SERINC5: variants seen among roughly 807,000 people sequenced by gnomAD.
SERINC5 encodes chromosome 5 open reading frame 12.
In SERINC5, 41 loss-of-function variants were observed where a neutral mutation model predicts 63.1. That is an observed-to-expected ratio of 0.65 (90% CI 0.51 to 0.84). The LOEUF is 0.84. Ranked by LOEUF, SERINC5 falls within the 40% of genes least tolerant of loss-of-function variation. The pLI, the probability that SERINC5 is intolerant of heterozygous loss-of-function variation, is 0.00. For synonymous variants in SERINC5, 222 were observed against 215.2 expected (o/e 1.03, Z -0.28); for missense variants, 523 against 573.0 (o/e 0.91, Z 0.89).
chr5:80,180,856 G>C (rs897755972), intron 2 of SERINC5, among the ~76,000 whole-genome samples: 1 of 152,234 alleles, frequency 6.6e-6, no homozygotes, highest in East Asian at 1.9e-4. Context: ...GGCATTGTCA[G>C]TGTGAAATGT....
chr5:80,143,720 C>T lies in SERINC5; in HGVS notation c.1329G>A (p.Leu443=), dbSNP rs1054921230. Residue 443 remains leucine (L), a synonymous_variant, in exon 12 of 12, where the codon TTG becomes TTA. Transcript: ENST00000507668. Reference sequence around the variant, plus strand: ...GGGGAGCGACCAGCGTACACAGGTACAACAGCACGCATATCCAGCAGGAGG... The same window carrying T: ...GGGGAGCGACCAGCGTACACAGGTATAACAGCACGCATATCCAGCAGGAGG... ...KMASCWICVL[L]YLCTLVAPLC... 6.5e-7 allele frequency: 1 copy of T among 1,536,132 alleles called. No homozygotes were observed. The highest frequency in any genetic ancestry group is 2.4e-5 in the East Asian group (1 of 40,920).
intron 2 of SERINC5, among the ~76,000 whole-genome samples, chr5:80,178,537 ATTTTTTT>A (rs1182662594): frequency 4.1e-4 from 32 of 77,562 alleles, no homozygotes; most frequent in African/African-American, 1.3e-3. Flanking sequence ...TAATTTTTGT[ATTTTTTT>A]TTTTTTTTTT....
At chr5:80,186,676 A>C (rs930528498) in intron 2 of SERINC5, among the ~76,000 whole-genome samples, 1 of 152,186 alleles carries the variant, frequency 6.6e-6, no homozygotes, top group African/African-American at 2.4e-5. Flanking sequence ...ATGTCCCTAA[A>C]ACAACTTCAA....
chr5:80,168,342 G>A (rs1247079355), intron 6 of SERINC5, among the ~76,000 whole-genome samples: 2 of 151,964 alleles, frequency 1.3e-5, no homozygotes, highest in African/African-American at 2.4e-5. Context: ...GAATACAGGC[G>A]TGTCCCACCA....
At chr5:80,248,036 G>C (rs1752237586) in intron 1 of SERINC5, among the ~76,000 whole-genome samples, 1 of 151,818 alleles carries the variant, frequency 6.6e-6, no homozygotes, top group Non-Finnish European at 1.5e-5. Flanking sequence ...GTTTTTTGTA[G>C]AGACAGGGTT....
intron 1 of SERINC5, among the ~76,000 whole-genome samples, chr5:80,251,392 A>T (rs1177417043): frequency 6.6e-6 from 1 of 152,148 alleles, no homozygotes; most frequent in Non-Finnish European, 1.5e-5. Flanking sequence ...GGCTGGAAAT[A>T]CCTGGGCCTG....
At chr5:80,232,134 G>A (rs1386353775) in intron 1 of SERINC5, among the ~76,000 whole-genome samples, 1 of 151,138 alleles carries the variant, frequency 6.6e-6, no homozygotes, top group East Asian at 1.9e-4. Context: ...GCCGGGCAAG[G>A]TGGCTCACGC....
At chr5:80,130,639 G>A (rs896202662) in intron 11 of SERINC5, among the ~76,000 whole-genome samples, 3 of 152,064 alleles carry the variant, frequency 2.0e-5, no homozygotes, top group Non-Finnish European at 2.9e-5. Context: ...ATCTACCTAA[G>A]TATCACCCTT....
Position 80,142,268 on chromosome 5 carries a change from T to C in SERINC5, c.*1395A>G. The C allele has an allele frequency of 1.0e-6, 1 of 985,430 alleles. No homozygotes were observed. Among genetic ancestry groups the C allele is most frequent in the Non-Finnish European group, 1.2e-6 (1 of 829,950 alleles). The allele number at this position is 985,430 out of a possible 1,614,324, so 61.0% of individuals were successfully genotyped here. On this transcript the variant is annotated 3_prime_UTR_variant, in exon 12 of 12. Transcript: ENST00000507668. Reference sequence around the variant, plus strand: ...TCACGTTTCTGTATTACTTTGCAAGTACGTATTTTGGAAATTCCTGTGCAG... The same window carrying C: ...TCACGTTTCTGTATTACTTTGCAAGCACGTATTTTGGAAATTCCTGTGCAG...
intron 1 of SERINC5, 46 bp downstream of exon 1, chr5:80,255,850 G>A (rs1160139390): frequency 2.5e-6 from 4 of 1,582,028 alleles, no homozygotes; most frequent in South Asian, 2.3e-5. Flanking sequence ...CTCCTGGCCC[G>A]GTTCTCCGAT....
At chr5:80,222,540 T>G (rs1157043778) in intron 1 of SERINC5, among the ~76,000 whole-genome samples, 1 of 132,306 alleles carries the variant, frequency 7.6e-6, no homozygotes, top group African/African-American at 2.9e-5. Flanking sequence ...TTTTGGTGGG[T>G]TTTTTGTGGG....
rs545900084 is a variant in SERINC5, at chr5:80,179,230, C to T, written c.196-1166G>A. ...AGGAGAACTGCTTGAACCTGGGAGGCAGAGGTTGCAGCGAGCCGAGATCGT... is the reference window on the plus strand; with the variant it reads ...AGGAGAACTGCTTGAACCTGGGAGGTAGAGGTTGCAGCGAGCCGAGATCGT... On this transcript the variant is annotated intron_variant, in intron 2 of 11. Coordinates refer to ENST00000507668, the MANE Select transcript of SERINC5 (RefSeq NM_001174072.3). 1.1e-3 allele frequency among the ~76,000 whole-genome samples: 163 copies of T among 152,146 alleles called. 2 individuals carry two copies. In the South Asian group the frequency reaches 0.014, roughly 13 times the overall value.
At chr5:80,244,340 TGAGTAGCTGG>T (rs1752076077) in intron 1 of SERINC5, among the ~76,000 whole-genome samples, 1 of 151,746 alleles carries the variant, frequency 6.6e-6, no homozygotes, top group African/African-American at 2.4e-5. Flanking sequence ...CTCAACCTCC[TGAGTAGCTGG>T]GATTACAGAT....
chr5:80,199,169 C>G (rs1189117586), intron 2 of SERINC5, among the ~76,000 whole-genome samples: 3 of 152,198 alleles, frequency 2.0e-5, no homozygotes, highest in African/African-American at 7.2e-5. Context: ...CTTGGTCCTT[C>G]TCCACCTGCC....
chr5:80,214,668 A>C (rs1325485749), intron 1 of SERINC5, among the ~76,000 whole-genome samples: 1 of 152,204 alleles, frequency 6.6e-6, no homozygotes, highest in Non-Finnish European at 1.5e-5. Flanking sequence ...AGGCCAAGGC[A>C]GGCGGATCAC....
chr5:80,177,816 TG>T, intron 3 of SERINC5, 69 bp downstream of exon 3: 1 of 1,221,000 alleles, frequency 8.2e-7, no homozygotes. Flanking sequence ...GGTGGGCAGA[TG>T]GGATCCTGGA....
chr5:80,176,125 G>A lies in SERINC5; in HGVS notation c.458-1078C>T, dbSNP rs150584851. Among the ~76,000 whole-genome samples the A allele has an allele frequency of 3.9e-5, 6 of 152,196 alleles. No homozygotes were observed. The East Asian group carries it at 1.2e-3, about 30-fold the overall frequency. ...ACCCGTGAGGCAGAGGCTGCAGTGA[G>A]GCGAGATCGTGCCACTGCACTCTAA... On this transcript the variant is annotated intron_variant, in intron 4 of 11. Coordinates refer to ENST00000507668, the MANE Select transcript of SERINC5 (RefSeq NM_001174072.3).
chr5:80,113,660 A>C (rs1307615001), intron 11 of SERINC5: 5 of 253,576 alleles, frequency 2.0e-5, no homozygotes, highest in Non-Finnish European at 4.1e-5. Flanking sequence ...AAGAGGGAGA[A>C]GCAAAAGCAG....
intron 5 of SERINC5, among the ~76,000 whole-genome samples, chr5:80,172,821 T>C (rs1747751536): frequency 6.6e-6 from 1 of 152,244 alleles, no homozygotes; most frequent in Non-Finnish European, 1.5e-5. Context: ...AACGCTTCTA[T>C]TCACTAGTCT....
Sources: gnomAD v4.1 joint callset for allele counts (sites outside exome capture counted in the v4.1 genomes callset) on GRCh38, gnomAD v4.1.1 for gene constraint, MANE v1.5 for transcripts, NCBI Gene and HGNC (gene_info 2026-07-23, HGNC 2026-07-21) for gene names.